The following PIGL variants were observed in gnomAD, a reference collection of about 807,000 sequenced individuals.
PIGL encodes the protein N-acetylglucosaminyl-phosphatidylinositol de-N-acetylase.
PIGL carries 22 observed loss-of-function variants against 31.1 expected under a neutral mutation model. That is an observed-to-expected ratio of 0.71 (90% CI 0.51 to 1.01). The LOEUF is 1.01. PIGL is among the 50% of genes least tolerant of loss of function. The pLI, the probability that PIGL is intolerant of heterozygous loss-of-function variation, is 0.00. For missense variants in PIGL, 302 were observed against 315.9 expected, an observed-to-expected ratio of 0.96 and a Z score of 0.33; for synonymous variants, 131 against 117.4, an observed-to-expected ratio of 1.12 and a Z score of -0.75.
At position 16,234,041 on chromosome 17, in the gene PIGL, A is replaced by T; in HGVS notation, c.306A>T (p.Pro102=). 2 of 1,598,372 alleles carry T rather than the reference A, an allele frequency of 1.3e-6. No individual in the cohort carries two copies. The highest frequency in any genetic ancestry group is 1.7e-6 in the Non-Finnish European group (2 of 1,165,848). ...LLQSCDVLGI[P]LSSVMIIDNR... ...AGAGCTGTGATGTTTTGGGGATTCC[A>T]CTCTCCAGTGTAATGATTATTGACA... The change falls in exon 2 of 7, where the codon CCA becomes CCT. Residue 102 remains proline, a synonymous_variant. Coordinates refer to ENST00000225609, the MANE Select transcript of PIGL (RefSeq NM_004278.4).
At chr17:16,237,210 T>A (rs1397844808) in intron 2 of PIGL, among the ~76,000 whole-genome samples, 1 of 145,582 alleles carries the variant, frequency 6.9e-6, no homozygotes, top group Non-Finnish European at 1.5e-5. Context: ...TGAGCTAAAG[T>A]GATTCTCCTG....
intron 2 of PIGL, among the ~76,000 whole-genome samples, chr17:16,285,988 G>A (rs530215088): frequency 7.2e-5 from 11 of 152,346 alleles, no homozygotes; most frequent in Middle Eastern, 3.4e-3. Context: ...GTGGCCCTTG[G>A]GGGGCGATAT....
chr17:16,289,937 C>T (rs981325470), intron 2 of PIGL, among the ~76,000 whole-genome samples: 4 of 151,964 alleles, frequency 2.6e-5, no homozygotes, highest in South Asian at 4.2e-4. Flanking sequence ...CCACTAAGCC[C>T]GGCTAATTTT....
At chr17:16,262,761 T>C (rs1181745353) in intron 2 of PIGL, among the ~76,000 whole-genome samples, 1 of 152,214 alleles carries the variant, frequency 6.6e-6, no homozygotes, top group Non-Finnish European at 1.5e-5. Context: ...AAAACTTGTA[T>C]ATGAATGTTC....
At chr17:16,249,773 G>A (rs1385274259) in intron 2 of PIGL, among the ~76,000 whole-genome samples, 1 of 152,142 alleles carries the variant, frequency 6.6e-6, no homozygotes, top group African/African-American at 2.4e-5. Flanking sequence ...TGCTCCATGT[G>A]GGTCCCCCAC....
chr17:16,295,308 C>T (rs2092976625), intron 2 of PIGL, among the ~76,000 whole-genome samples: 1 of 150,638 alleles, frequency 6.6e-6, no homozygotes, highest in South Asian at 2.1e-4. Context: ...CAGGCTGAGG[C>T]AGGAGAATCG....
intron 2 of PIGL, among the ~76,000 whole-genome samples, chr17:16,258,940 T>C (rs1028155822): frequency 1.3e-5 from 2 of 152,194 alleles, no homozygotes; most frequent in African/African-American, 2.4e-5. Context: ...CAAATAATGT[T>C]AGTGTCCAGA....
intron 4 of PIGL, 147 bp downstream of exon 4, chr17:16,313,761 G>A: frequency 1.5e-6 from 1 of 676,298 alleles, no homozygotes; most frequent in Non-Finnish European, 2.7e-6. Flanking sequence ...TGGCCATGTT[G>A]CTCACTGCAT....
intron 3 of PIGL, among the ~76,000 whole-genome samples, chr17:16,306,951 C>T (rs955507266): frequency 6.6e-6 from 1 of 152,202 alleles, no homozygotes; most frequent in African/African-American, 2.4e-5. Context: ...TGCGACTGCC[C>T]AGCCCTGGGA....
chr17:16,258,048 A>G (rs1349757014), intron 2 of PIGL, among the ~76,000 whole-genome samples: 2 of 135,742 alleles, frequency 1.5e-5, no homozygotes, highest in African/African-American at 2.8e-5. Flanking sequence ...GGGCCACAGG[A>G]GCAAAACTTT....
chr17:16,243,319 G>A (rs2092730905), intron 2 of PIGL, among the ~76,000 whole-genome samples: 1 of 152,184 alleles, frequency 6.6e-6, no homozygotes, highest in African/African-American at 2.4e-5. Flanking sequence ...CAAAGTGTTG[G>A]GATTACAGGC....
At chr17:16,312,928 A>AGGGG (rs869065594) in intron 3 of PIGL, 4 of 25,342 alleles carry the variant, frequency 1.6e-4, no homozygotes, top group African/African-American at 5.4e-4. Context: ...GGGAGGGGGA[A>AGGGG]GGGGGGGGGA....
In PIGL at chr17:16,232,782, G is replaced by A. The variant is rs201200621; in HGVS notation, c.236-1189G>A. Among the ~76,000 whole-genome samples, 7 of 133,666 alleles carry A rather than the reference G, an allele frequency of 5.2e-5. No homozygotes were observed. The South Asian group carries it at 1.4e-3, about 26-fold the overall frequency. 87.7% of individuals were successfully genotyped at this position (133,666 alleles called of 152,430 possible). A position where few individuals can be genotyped will look rare whatever the true frequency, so the allele number is the denominator to read the frequency against. On this transcript the variant is annotated intron_variant, in intron 1 of 6. Transcript: ENST00000225609. Reference sequence around the variant, plus strand: ...AGTTTATGACTTAAAAAAAAAAAACGCAAAAAAAGGTATGATGAGGACAAT... The same window carrying A: ...AGTTTATGACTTAAAAAAAAAAAACACAAAAAAAGGTATGATGAGGACAAT...
At position 16,325,833 on chromosome 17, in the gene PIGL, T is replaced by C. The variant is rs772604107; in HGVS notation, c.694T>C (p.Trp232Arg). 9 of 1,613,938 alleles carry C rather than the reference T, an allele frequency of 5.6e-6. No individual in the cohort carries two copies. The Admixed American group carries it at 1.0e-4, about 18-fold the overall frequency. ...AMSCHRSQLL[W>R]FRRLYIIFSR... ...GTCCTGCCACCGCAGCCAGCTCCTCTGGTTCCGCCGCCTCTACATTATCTT... is the reference window on the plus strand; with the variant it reads ...GTCCTGCCACCGCAGCCAGCTCCTCCGGTTCCGCCGCCTCTACATTATCTT... The change falls in exon 7 of 7, where the codon TGG (tryptophan) becomes CGG (arginine). Residue 232 changes from tryptophan (W) to arginine (R), a missense_variant. Transcript: ENST00000225609.
At chr17:16,282,162 C>A in intron 2 of PIGL, 2 of 424,266 alleles carry the variant, frequency 4.7e-6, no homozygotes, top group Non-Finnish European at 5.3e-6. Context: ...AGCACATATC[C>A]CAAATTTCCT....
intron 4 of PIGL, 83 bp downstream of exon 4, chr17:16,313,697 C>G: frequency 9.0e-7 from 1 of 1,105,300 alleles, no homozygotes; most frequent in Non-Finnish European, 1.4e-6. Flanking sequence ...AGCACTTTCC[C>G]ACTTGTTATC....
At chr17:16,238,561 G>A (rs534030772) in intron 2 of PIGL, among the ~76,000 whole-genome samples, 168 of 145,876 alleles carry the variant, frequency 1.2e-3, no homozygotes, top group African/African-American at 4.0e-3. Flanking sequence ...TCAGCCTCCC[G>A]AGTAGCTGGG....
At chr17:16,319,085 C>T (rs1422838092) in intron 6 of PIGL, among the ~76,000 whole-genome samples, 1 of 151,748 alleles carries the variant, frequency 6.6e-6, no homozygotes, top group Non-Finnish European at 1.5e-5. Context: ...ATTAGCCAGG[C>T]ATGGTGGCAC....
intron 2 of PIGL, among the ~76,000 whole-genome samples, chr17:16,258,492 T>TTA (rs1555853847): frequency 2.0e-5 from 3 of 150,822 alleles, no homozygotes; most frequent in African/African-American, 7.3e-5. Context: ...TTATTTTTAT[T>TTA]TTTATTTATT....
Sources: gnomAD v4.1 joint callset for allele counts (sites outside exome capture counted in the v4.1 genomes callset) on GRCh38, gnomAD v4.1.1 for gene constraint, MANE v1.5 for transcripts, NCBI Gene and HGNC (gene_info 2026-07-23, HGNC 2026-07-21) for gene names.